Variants in CYTH3 observed in about 807,000 individuals in gnomAD.
The protein encoded by CYTH3 is cytohesin 3.
Under a neutral mutation model 55.1 loss-of-function variants are expected in CYTH3, and 23 were observed. The observed-to-expected ratio is 0.42, with a 90% CI of 0.30 to 0.59. The LOEUF is 0.59. Ranked by LOEUF, CYTH3 falls within the 20% of genes least tolerant of loss-of-function variation. The pLI, the probability that CYTH3 is intolerant of heterozygous loss-of-function variation, is 0.20. For missense variants in CYTH3, 413 were observed against 524.8 expected, an observed-to-expected ratio of 0.79 and a Z score of 2.08; for synonymous variants, 249 against 194.9, an observed-to-expected ratio of 1.28 and a Z score of -2.31.
intron 1 of CYTH3, among the ~76,000 whole-genome samples, chr7:6,263,450 G>A (rs1192684645): frequency 6.6e-6 from 1 of 152,130 alleles, no homozygotes; most frequent in Non-Finnish European, 1.5e-5. Context: ...GAAGACTAGG[G>A]AGCTCACCTC....
intron 1 of CYTH3, among the ~76,000 whole-genome samples, chr7:6,232,744 C>T (rs943213684): frequency 8.5e-5 from 13 of 152,216 alleles, no homozygotes; most frequent in African/African-American, 2.7e-4. Context: ...CCCTCGTCTA[C>T]GGTCAGTTTT....
intron 4 of CYTH3, among the ~76,000 whole-genome samples, chr7:6,185,044 C>T (rs887769784): frequency 6.6e-6 from 1 of 152,220 alleles, no homozygotes; most frequent in African/African-American, 2.4e-5. Flanking sequence ...ACCTGAGATG[C>T]TTCCAATGCT....
At chr7:6,214,669 A>G (rs1583168571) in intron 1 of CYTH3, among the ~76,000 whole-genome samples, 1 of 152,314 alleles carries the variant, frequency 6.6e-6, no homozygotes, top group East Asian at 1.9e-4. Flanking sequence ...CATACAAAAC[A>G]AAATTTTTAA....
intron 1 of CYTH3, among the ~76,000 whole-genome samples, chr7:6,246,619 A>C (rs561736462): frequency 6.6e-6 from 1 of 152,310 alleles, no homozygotes; most frequent in African/African-American, 2.4e-5. Context: ...CAAAAACAAA[A>C]ATAAAACAGT....
At chr7:6,264,888 G>A (rs777827471) in intron 1 of CYTH3, among the ~76,000 whole-genome samples, 1 of 152,228 alleles carries the variant, frequency 6.6e-6, no homozygotes, top group Non-Finnish European at 1.5e-5. Context: ...TATGTAATAG[G>A]TAAGGCGTGA....
At chr7:6,187,509 G>T in intron 3 of CYTH3, 148 bp downstream of exon 3, 1 of 722,374 alleles carries the variant, frequency 1.4e-6, no homozygotes, top group East Asian at 2.6e-5. Context: ...ACCCCTCCAC[G>T]CAGAGTAGGG....
intron 1 of CYTH3, among the ~76,000 whole-genome samples, chr7:6,217,265 G>T (rs566697602): frequency 6.6e-6 from 1 of 152,144 alleles, no homozygotes; most frequent in Non-Finnish European, 1.5e-5. Context: ...AATATTAAAA[G>T]ATTGGCAGAG....
At position 6,171,828 on chromosome 7, in the gene CYTH3, C is replaced by G. The variant is rs1332843339; in HGVS notation, c.450-514G>C. 6.3e-6 allele frequency: 1 copy of G among 158,330 alleles called. No homozygotes were observed. Among genetic ancestry groups the G allele is most frequent in the African/African-American group, 2.4e-5 (1 of 41,544 alleles). The allele number at this position is 158,330 out of a possible 1,614,324, so 9.8% of individuals were successfully genotyped here. On this transcript the variant is annotated intron_variant, in intron 6 of 12. Coordinates refer to ENST00000350796, the MANE Select transcript of CYTH3 (RefSeq NM_004227.4). The surrounding 1 kb of genome is among the most constrained non-coding windows in gnomAD (Gnocchi z 6.7). The stretch of plus-strand genomic sequence containing the variant: ...CACATGCCTGCCTCAGAGACCAGGC[C>G]CAGCAGACACTCCCACCCTCAGGCA...
intron 4 of CYTH3, among the ~76,000 whole-genome samples, chr7:6,179,705 A>C (rs1195111622): frequency 2.7e-5 from 2 of 73,038 alleles, no homozygotes; most frequent in Non-Finnish European, 5.0e-5. Flanking sequence ...CACACACCCC[A>C]CACACACCCC....
At chr7:6,201,156 C>T (rs999621187) in intron 1 of CYTH3, among the ~76,000 whole-genome samples, 1 of 152,210 alleles carries the variant, frequency 6.6e-6, no homozygotes, top group Non-Finnish European at 1.5e-5. Context: ...GGGCTGCGCT[C>T]TGCCTCTCCT....
At chr7:6,197,999 T>TG (rs1376456314) in intron 1 of CYTH3, among the ~76,000 whole-genome samples, 2 of 144,502 alleles carry the variant, frequency 1.4e-5, no homozygotes, top group African/African-American at 5.2e-5. Flanking sequence ...GAGGCTGAAG[T>TG]GGGGGGATCG....
At chr7:6,228,698 C>G (rs1779312526) in intron 1 of CYTH3, among the ~76,000 whole-genome samples, 1 of 152,238 alleles carries the variant, frequency 6.6e-6, no homozygotes, top group Non-Finnish European at 1.5e-5. Context: ...TCCTCCCACA[C>G]TTTCTATCAA....
chr7:6,265,413 C>T (rs1004691104), intron 1 of CYTH3, among the ~76,000 whole-genome samples: 5 of 151,578 alleles, frequency 3.3e-5, no homozygotes, highest in African/African-American at 7.3e-5. Context: ...GAGTTCAAGA[C>T]CAGCCTGGCC....
rs115794205 is a variant in CYTH3 at position 6,194,672 on chromosome 7, T to C, written c.35-4141A>G. Among the ~76,000 whole-genome samples, 748 of 151,512 alleles carry C rather than the reference T, an allele frequency of 4.9e-3. 9 individuals carry two copies. The highest frequency in any genetic ancestry group is 0.014 in the African/African-American group (594 of 41,260). On this transcript the variant is annotated intron_variant, in intron 1 of 12. Coordinates refer to ENST00000350796, the MANE Select transcript of CYTH3 (RefSeq NM_004227.4). ...GTACCAATAACATCAAAGAAGCCCATTGTGTAGATTAAAAAAGTAAATAGG... is the reference window on the plus strand; with the variant it reads ...GTACCAATAACATCAAAGAAGCCCACTGTGTAGATTAAAAAAGTAAATAGG...
chr7:6,248,893 G>A (rs568475323), intron 1 of CYTH3, among the ~76,000 whole-genome samples: 1 of 152,318 alleles, frequency 6.6e-6, no homozygotes, highest in East Asian at 1.9e-4. Context: ...CAAGGGAGGG[G>A]AGGTAAGAAG....
At chr7:6,200,479 CTG>C (rs1784033347) in intron 1 of CYTH3, among the ~76,000 whole-genome samples, 1 of 152,220 alleles carries the variant, frequency 6.6e-6, no homozygotes, top group Non-Finnish European at 1.5e-5. Flanking sequence ...TAACTCACAA[CTG>C]TGTATTTCTG....
At chr7:6,265,267 G>A (rs776724107) in intron 1 of CYTH3, among the ~76,000 whole-genome samples, 1 of 151,892 alleles carries the variant, frequency 6.6e-6, no homozygotes, top group Non-Finnish European at 1.5e-5. Flanking sequence ...TTGTGACAGA[G>A]ATCATATGTG....
chr7:6,165,227 C>A (rs199632916), intron 12 of CYTH3, 46 bp downstream of exon 12: 3 of 1,582,094 alleles, frequency 1.9e-6, no homozygotes, highest in South Asian at 1.2e-5. Flanking sequence ...GCCCTCCAAC[C>A]GGCACGAGAA....
At chr7:6,209,243 G>A (rs1784269395) in intron 1 of CYTH3, among the ~76,000 whole-genome samples, 1 of 152,100 alleles carries the variant, frequency 6.6e-6, no homozygotes, top group Non-Finnish European at 1.5e-5. Flanking sequence ...ACTATCTCAA[G>A]CTAATCAAAC....
Sources: allele counts gnomAD v4.1 joint callset (sites outside exome capture counted in the v4.1 genomes callset), GRCh38; gene constraint gnomAD v4.1.1; non-coding constraint Gnocchi (gnomAD v3.1); transcripts MANE v1.5; gene names NCBI Gene and HGNC (gene_info 2026-07-23, HGNC 2026-07-21).